Variants in SUDS3 observed in about 807,000 individuals in gnomAD.
SUDS3 encodes sin3 histone deacetylase corepressor complex component SDS3.
SUDS3 carries 23 observed loss-of-function variants against 53.5 expected under a neutral mutation model. The ratio of observed to expected loss-of-function variants is 0.43; its 90% confidence interval spans 0.31 to 0.61. The LOEUF (loss-of-function observed/expected upper bound fraction) is 0.61, where lower values mean the gene tolerates loss of function less well. Ranked by LOEUF, SUDS3 falls within the 20% of genes least tolerant of loss-of-function variation. The pLI is 0.10. For synonymous variants in SUDS3, 150 were observed against 148.5 expected (o/e 1.01, Z -0.08); for missense variants, 291 against 405.9 (o/e 0.72, Z 2.43).
At position 118,391,275 on chromosome 12, in the gene SUDS3, G is replaced by C; in HGVS notation, c.510G>C (p.Leu170=). ...AAAATGAAAAGCTGACAATGGAACT[G>C]ACTGGAGGTAGGAAAGCCCTATGGG... The part of the protein sequence containing the change: ...MIENEKLTME[L]TGDSMEVKPI... The change falls in exon 6 of 12, where the codon CTG becomes CTC. Residue 170 remains leucine (L), a synonymous_variant. Transcript: ENST00000543473. 2 of 1,610,166 alleles carry C rather than the reference G, an allele frequency of 1.2e-6. No individual in the cohort carries two copies. Among genetic ancestry groups the C allele is most frequent in the Non-Finnish European group, 1.7e-6 (2 of 1,178,910 alleles).
In SUDS3 at chr12:118,391,226, TAGAAGAAA is replaced by T; in HGVS notation, c.471_478del (p.Lys157AsnfsTer3). On this transcript the variant is annotated frameshift_variant, in exon 6 of 12. Coordinates refer to ENST00000543473, the MANE Select transcript of SUDS3 (RefSeq NM_022491.3). LOFTEE classifies it high-confidence loss of function. ...CTGAAAGAGAACCTGATTGCTGAGC[TAGAAGAAA>T]AGAAGAAAATGATTGAAAATGAAAA... The T allele has an allele frequency of 1.2e-6, 2 of 1,613,346 alleles. No individual in the cohort carries two copies. The highest frequency in any genetic ancestry group is 1.7e-6 in the Non-Finnish European group (2 of 1,179,768).
intron 6 of SUDS3, among the ~76,000 whole-genome samples, chr12:118,392,593 G>T (rs1343966745): frequency 1.3e-5 from 2 of 152,178 alleles, no homozygotes; most frequent in Non-Finnish European, 2.9e-5. Flanking sequence ...TCTTGTTCTT[G>T]TGAAAGTGCT....
chr12:118,391,323 C>CG lies in SUDS3; in HGVS notation c.517+48dup, dbSNP rs538977281. The CG allele has an allele frequency of 1.5e-3, 2,412 of 1,564,362 alleles. 2 individuals are homozygous for CG. The highest frequency in any genetic ancestry group is 1.8e-3 in the Non-Finnish European group (2,117 of 1,160,692). On this transcript the variant is annotated intron_variant, in intron 6 of 11. Coordinates refer to ENST00000543473, the MANE Select transcript of SUDS3 (RefSeq NM_022491.3). ...GGGGTGGGATCTTGGGGGCCCTGAG[C>CG]GGGGGGGTGTGAAGGGCTGTTCCAG...
At chr12:118,405,921 C>T (rs1253038585) in intron 10 of SUDS3, among the ~76,000 whole-genome samples, 2 of 152,104 alleles carry the variant, frequency 1.3e-5, no homozygotes, top group Non-Finnish European at 2.9e-5. Context: ...TTGGTGCAGC[C>T]GTATTTTTGG....
At chr12:118,380,260 G>C in intron 2 of SUDS3, 29 bp downstream of exon 2, 1 of 1,561,174 alleles carries the variant, frequency 6.4e-7, no homozygotes, top group Non-Finnish European at 8.7e-7. Context: ...TGTCTTTTTG[G>C]AACATAGAAT....
At chr12:118,403,140 T>C (rs1033071739) in intron 9 of SUDS3, among the ~76,000 whole-genome samples, 15 of 152,244 alleles carry the variant, frequency 9.9e-5, no homozygotes, top group African/African-American at 3.1e-4. Flanking sequence ...AGTGACCTTA[T>C]GTATTTGCAC....
intron 1 of SUDS3, among the ~76,000 whole-genome samples, chr12:118,377,887 A>G (rs1034499453): frequency 6.6e-6 from 1 of 152,174 alleles, no homozygotes; most frequent in African/African-American, 2.4e-5. Flanking sequence ...CATGACAGGA[A>G]CTCAGGGAAG....
intron 3 of SUDS3, 69 bp from the exon 4 acceptor site, chr12:118,386,041 ATAAT>A: frequency 8.3e-7 from 1 of 1,205,478 alleles, no homozygotes; most frequent in Non-Finnish European, 1.2e-6. Context: ...ATGCTAGATA[ATAAT>A]TTTAGGAAGC....
chr12:118,400,524 C>T, intron 6 of SUDS3, 135 bp from the exon 7 acceptor site: 1 of 772,344 alleles, frequency 1.3e-6, no homozygotes, highest in Non-Finnish European at 2.2e-6. Flanking sequence ...CTGGCTACGA[C>T]CATGTGTAGA....
rs975953720 is a variant in SUDS3, at chr12:118,391,203, G to C, written c.438G>C (p.Leu146=). Residue 146 remains leucine, a synonymous_variant, in exon 6 of 12, where the codon CTG becomes CTC. Coordinates refer to ENST00000543473, the MANE Select transcript of SUDS3 (RefSeq NM_022491.3). The part of the protein sequence containing the change: ...VKEFEDKKVE[L]KENLIAELEE... ...AATTTGAAGACAAGAAGGTTGAGCT[G>C]AAAGAGAACCTGATTGCTGAGCTAG... is the stretch of plus-strand genomic sequence containing the variant. 2.2e-5 allele frequency: 35 copies of C among 1,613,656 alleles called. No homozygotes were observed. Among genetic ancestry groups the C allele is most frequent in the Non-Finnish European group, 2.7e-5 (32 of 1,179,852 alleles).
intron 11 of SUDS3, among the ~76,000 whole-genome samples, chr12:118,412,584 G>A (rs889305617): frequency 6.6e-6 from 1 of 152,100 alleles, no homozygotes; most frequent in African/African-American, 2.4e-5. Context: ...GAGAGACCTG[G>A]TCCTCAGCCA....
Position 118,401,832 on chromosome 12 carries a change from CT to C in SUDS3, c.675+18del, listed in dbSNP as rs1304014578. ...GAACATTAAATAAGGTACGGTTTGACTTTTTTGATTTATTTGAAAACTCAGG... is the reference window on the plus strand; with the variant it reads ...GAACATTAAATAAGGTACGGTTTGACTTTTTGATTTATTTGAAAACTCAGG... On this transcript the variant is annotated intron_variant, in intron 8 of 11. Transcript: ENST00000543473. The C allele has an allele frequency of 1.2e-6, 2 of 1,612,884 alleles. No individual in the cohort carries two copies. The highest frequency in any genetic ancestry group is 1.7e-6 in the Non-Finnish European group (2 of 1,179,184).
chr12:118,412,342 G>A (rs962190376), intron 11 of SUDS3, among the ~76,000 whole-genome samples: 11 of 152,194 alleles, frequency 7.2e-5, no homozygotes, highest in African/African-American at 1.9e-4. Context: ...TAACTTATTC[G>A]TGCCAGTGCA....
In SUDS3 at chr12:118,376,593, A is replaced by G; in HGVS notation, c.-99A>G. 8.0e-7 allele frequency: 1 copy of G among 1,247,180 alleles called. No homozygotes were observed. The highest frequency in any genetic ancestry group is 1.0e-6 in the Non-Finnish European group (1 of 992,640). 77.3% of individuals were successfully genotyped at this position (1,247,180 alleles called of 1,614,324 possible). A position where few individuals can be genotyped will look rare whatever the true frequency, so the allele number is the denominator to read the frequency against. The stretch of plus-strand genomic sequence containing the variant: ...GGGTCGCCGTGGCTGCCGGTCCTCG[A>G]GTTGGGGGCTGCCGCGGACACTGCT... On this transcript the variant is annotated 5_prime_UTR_variant, in exon 1 of 12. Coordinates refer to ENST00000543473, the MANE Select transcript of SUDS3 (RefSeq NM_022491.3).
intron 10 of SUDS3, among the ~76,000 whole-genome samples, chr12:118,404,877 A>G (rs1193844870): frequency 2.6e-5 from 4 of 152,236 alleles, no homozygotes; most frequent in African/African-American, 4.8e-5. Context: ...TGGTTACCCG[A>G]TAACATTGTA....
chr12:118,391,283 G>C lies in SUDS3; in HGVS notation c.517+1G>C, dbSNP rs757013971. On this transcript the variant is annotated splice_donor_variant, in intron 6 of 11. Transcript: ENST00000543473. LOFTEE classifies it high-confidence loss of function. ...AAGCTGACAATGGAACTGACTGGAG[G>C]TAGGAAAGCCCTATGGGGTGGGATC... 1.2e-6 allele frequency: 2 copies of C among 1,608,812 alleles called. No individual in the cohort carries two copies. The highest frequency in any genetic ancestry group is 1.7e-6 in the Non-Finnish European group (2 of 1,178,444).
intron 6 of SUDS3, 90 bp from the exon 7 acceptor site, chr12:118,400,569 G>A: frequency 8.3e-7 from 1 of 1,201,800 alleles, no homozygotes; most frequent in South Asian, 1.2e-5. Flanking sequence ...CTGATTGGGT[G>A]GCTGGGGGGC....
At chr12:118,404,948 T>C (rs2046296607) in intron 10 of SUDS3, among the ~76,000 whole-genome samples, 1 of 152,232 alleles carries the variant, frequency 6.6e-6, no homozygotes, top group African/African-American at 2.4e-5. Flanking sequence ...ACCTATTAAG[T>C]TGCAGTGAGT....
In SUDS3 at chr12:118,376,941, C is replaced by T; in HGVS notation, c.142+108C>T. 4.6e-6 allele frequency: 6 copies of T among 1,294,372 alleles called. No homozygotes were observed. The South Asian group carries it at 9.2e-5, about 20-fold the overall frequency. The allele number at this position is 1,294,372 out of a possible 1,614,324, so 80.2% of individuals were successfully genotyped here. A position where few individuals can be genotyped will look rare whatever the true frequency, so the allele number is the denominator to read the frequency against. On this transcript the variant is annotated intron_variant, in intron 1 of 11. Coordinates refer to ENST00000543473, the MANE Select transcript of SUDS3 (RefSeq NM_022491.3). ...GGGCGGCCTCCGGGGCCTGGGGCTG[C>T]GTGGAGGGGCCGCCGGGAGTTGCGG...
Sources: allele counts gnomAD v4.1 joint callset (sites outside exome capture counted in the v4.1 genomes callset), GRCh38; gene constraint gnomAD v4.1.1; transcripts MANE v1.5; gene names NCBI Gene and HGNC (gene_info 2026-07-23, HGNC 2026-07-21).